PTK2B: variants seen among roughly 807,000 people sequenced by gnomAD.
The protein encoded by PTK2B is protein-tyrosine kinase 2-beta.
Under a neutral mutation model 142.9 loss-of-function variants are expected in PTK2B, and 71 were observed. The observed-to-expected ratio is 0.50, with a 90% confidence interval of 0.41 to 0.61. PTK2B has a LOEUF of 0.61. PTK2B is among the 20% of genes least tolerant of loss of function. The probability of loss-of-function intolerance (pLI) is 0.00; values close to 1 mark genes in which losing one functional copy is unlikely to be tolerated. For synonymous variants in PTK2B, 519 were observed against 503.4 expected (o/e 1.03, Z -0.42); for missense variants, 1,105 against 1,320.4 (o/e 0.84, Z 2.53).
chr8:27,317,465 A>ATTTC (rs55909315), intron 3 of PTK2B, among the ~76,000 whole-genome samples: 15,932 of 152,194 alleles, frequency 0.1, 983 homozygotes, highest in African/African-American at 0.17. Flanking sequence ...GCCTTCTATT[A>ATTTC]TTTCACCAAT....
intron 1 of PTK2B, among the ~76,000 whole-genome samples, chr8:27,371,893 T>G (rs1298363494): frequency 6.6e-6 from 1 of 152,054 alleles, no homozygotes; most frequent in Non-Finnish European, 1.5e-5. Context: ...ATTTCAGGAG[T>G]AATCTACTGA....
intron 1 of PTK2B, among the ~76,000 whole-genome samples, chr8:27,379,751 C>A (rs1452090087): frequency 6.6e-6 from 1 of 152,134 alleles, no homozygotes; most frequent in Admixed American, 6.5e-5. Flanking sequence ...AGGGAAAAAT[C>A]TGTGCATTTT....
At chr8:27,445,722 T>G in intron 23 of PTK2B, 72 bp from the exon 24 acceptor site, 1 of 1,593,812 alleles carries the variant, frequency 6.3e-7, no homozygotes, top group Non-Finnish European at 8.5e-7. Context: ...TTTGTGCTCG[T>G]GTTTGTAGCA....
intron 2 of PTK2B, among the ~76,000 whole-genome samples, chr8:27,412,665 G>A (rs1001989282): frequency 6.6e-6 from 1 of 152,118 alleles, no homozygotes; most frequent in Admixed American, 6.5e-5. Flanking sequence ...ACCTGAAGCT[G>A]AAATCTATCT....
At chr8:27,332,456 A>G (rs556627428) in intron 1 of PTK2B, among the ~76,000 whole-genome samples, 4 of 152,296 alleles carry the variant, frequency 2.6e-5, no homozygotes, top group African/African-American at 4.8e-5. Flanking sequence ...CCTGTCTGAC[A>G]TCGCCAAGTG....
Position 27,368,704 on chromosome 8 carries a change from T to G in PTK2B, c.-37-28844T>G, listed in dbSNP as rs573356409. On this transcript the variant is annotated intron_variant, in intron 1 of 30. Transcript: ENST00000346049. The stretch of plus-strand genomic sequence containing the variant: ...CTCTTCTGCTCCCAGCAACATTGCT[T>G]GAAAAGGGTATTCAGGTCCAGGGAG... Among the ~76,000 whole-genome samples the G allele has an allele frequency of 1.1e-4, 17 of 152,292 alleles. No individual in the cohort carries two copies. In the South Asian group the frequency reaches 2.3e-3, roughly 20 times the overall value.
chr8:27,433,353 C>A, intron 10 of PTK2B, 82 bp from the exon 11 acceptor site: 1 of 1,225,286 alleles, frequency 8.2e-7, no homozygotes, highest in Non-Finnish European at 1.2e-6. Context: ...TGGCAGGGGT[C>A]CTGCCATCTC....
intron 1 of PTK2B, among the ~76,000 whole-genome samples, chr8:27,397,193 A>G (rs1808103371): frequency 6.6e-6 from 1 of 152,102 alleles, no homozygotes; most frequent in Non-Finnish European, 1.5e-5. Context: ...TGTGCCTTGG[A>G]ACCAAGCTGT....
rs201774193 is a variant in PTK2B, at chr8:27,404,027, T to C, written c.204+6239T>C. ...CTTCTTCTCAAGCCATATGTCCTGA[T>C]TTGTCTCATCCCCAGTTTCTATACA... On this transcript the variant is annotated intron_variant, in intron 2 of 30. Coordinates refer to ENST00000346049, the MANE Select transcript of PTK2B (RefSeq NM_173176.3). Among the ~76,000 whole-genome samples, 5 of 130,176 alleles carry C rather than the reference T, an allele frequency of 3.8e-5. No homozygotes were observed. In the East Asian group the frequency reaches 1.1e-3, roughly 27 times the overall value. 85.4% of individuals were successfully genotyped at this position (130,176 alleles called of 152,430 possible). A position where few individuals can be genotyped will look rare whatever the true frequency, so the allele number is the denominator to read the frequency against.
Position 27,377,103 on chromosome 8 carries a change from C to G in PTK2B, c.-37-20445C>G, listed in dbSNP as rs186260778. Among the ~76,000 whole-genome samples, 213 of 152,218 alleles carry G rather than the reference C, an allele frequency of 1.4e-3. 1 individual carries two copies. The highest frequency in any genetic ancestry group is 4.8e-3 in the African/African-American group (200 of 41,534). On this transcript the variant is annotated intron_variant, in intron 1 of 30. Transcript: ENST00000346049. ...CACAGCTCCAGAGGCAGAGCTGCCC[C>G]CTGCGGGTAAAAGGTGTAGAAAAAC...
At chr8:27,400,376 C>T (rs140738073) in intron 2 of PTK2B, among the ~76,000 whole-genome samples, 111 of 151,474 alleles carry the variant, frequency 7.3e-4, no homozygotes, top group African/African-American at 2.5e-3. Context: ...TTTTAAACCA[C>T]TAGATCTCTG....
At chr8:27,391,283 G>A (rs1033828625) in intron 1 of PTK2B, among the ~76,000 whole-genome samples, 1 of 152,100 alleles carries the variant, frequency 6.6e-6, no homozygotes, top group Non-Finnish European at 1.5e-5. Flanking sequence ...TTTTAGTAGA[G>A]AAGGGGTTTC....
intron 5 of PTK2B, among the ~76,000 whole-genome samples, chr8:27,425,585 G>A (rs1372928558): frequency 6.6e-6 from 1 of 151,904 alleles, no homozygotes; most frequent in Non-Finnish European, 1.5e-5. Flanking sequence ...CCACCAAAGT[G>A]GTGCATTTGT....
intron 1 of PTK2B, among the ~76,000 whole-genome samples, chr8:27,393,211 C>G (rs1807827989): frequency 6.6e-6 from 1 of 152,182 alleles, no homozygotes; most frequent in Admixed American, 6.5e-5. Flanking sequence ...GCCCACCTCC[C>G]AGGATTGGGC....
At chr8:27,406,645 C>T (rs1808731289) in intron 2 of PTK2B, among the ~76,000 whole-genome samples, 1 of 152,104 alleles carries the variant, frequency 6.6e-6, no homozygotes, top group Admixed American at 6.5e-5. Context: ...TGTCATGGTT[C>T]TCACGATGAT....
In PTK2B at chr8:27,430,132, G is replaced by A. The variant is rs1230441701; in HGVS notation, c.591G>A (p.Lys197=). 3.1e-6 allele frequency: 5 copies of A among 1,613,804 alleles called. No homozygotes were observed. Among genetic ancestry groups the A allele is most frequent in the Admixed American group, 3.3e-5 (2 of 59,998 alleles). ...ATATGCCCCACAATGCACTTGACAAGAAGTCCAACTTCGAGCTCCTAGAGT... is the reference window on the plus strand; with the variant it reads ...ATATGCCCCACAATGCACTTGACAAAAAGTCCAACTTCGAGCTCCTAGAGT... ...FKDMPHNALD[K]KSNFELLEKE... The change falls in exon 6 of 31, where the codon AAG becomes AAA. Residue 197 remains lysine (K), a synonymous_variant. Transcript: ENST00000346049.
At chr8:27,383,839 C>T (rs1267979410) in intron 1 of PTK2B, among the ~76,000 whole-genome samples, 1 of 104,278 alleles carries the variant, frequency 9.6e-6, no homozygotes, top group Non-Finnish European at 2.2e-5. Context: ...GTGTGCACCA[C>T]CACACCTGGC....
chr8:27,423,403 C>T (rs935507395), intron 5 of PTK2B, among the ~76,000 whole-genome samples: 1 of 152,086 alleles, frequency 6.6e-6, no homozygotes, highest in African/African-American at 2.4e-5. Flanking sequence ...TCATAATCAC[C>T]TGGGAGCTTA....
intron 1 of PTK2B, among the ~76,000 whole-genome samples, chr8:27,381,548 TG>T (rs1306712295): frequency 2.0e-5 from 3 of 152,266 alleles, no homozygotes; most frequent in Non-Finnish European, 4.4e-5. Flanking sequence ...GCACTCCATC[TG>T]TTGATGGGCA....
Sources: allele counts gnomAD v4.1 joint callset (sites outside exome capture counted in the v4.1 genomes callset), GRCh38; gene constraint gnomAD v4.1.1; transcripts MANE v1.5; gene names NCBI Gene and HGNC (gene_info 2026-07-23, HGNC 2026-07-21).